Variants in ITGB8 observed in about 807,000 individuals in gnomAD.
ITGB8 encodes the protein integrin subunit beta 8, also known as integrin beta-8.
ITGB8 carries 30 observed loss-of-function variants against 89.5 expected under a neutral mutation model. The observed-to-expected ratio is 0.34, with a 90% confidence interval of 0.25 to 0.45. The LOEUF (loss-of-function observed/expected upper bound fraction) is 0.45, where lower values mean the gene tolerates loss of function less well. ITGB8 is among the 20% of genes least tolerant of loss of function. The pLI, the probability that ITGB8 is intolerant of heterozygous loss-of-function variation, is 1.00. For synonymous variants in ITGB8, 335 were observed against 320.4 expected, an observed-to-expected ratio of 1.05 and a Z score of -0.49; for missense variants, 836 against 933.3, an observed-to-expected ratio of 0.90 and a Z score of 1.36.
intron 9 of ITGB8, among the ~76,000 whole-genome samples, chr7:20,400,758 G>T (rs1787276404): frequency 6.6e-6 from 1 of 152,134 alleles, no homozygotes; most frequent in Non-Finnish European, 1.5e-5. Flanking sequence ...TTCTTCCATG[G>T]AGACAAATAG....
intron 7 of ITGB8, among the ~76,000 whole-genome samples, chr7:20,392,380 T>C (rs1349442242): frequency 6.6e-6 from 1 of 152,218 alleles, no homozygotes; most frequent in Non-Finnish European, 1.5e-5. Flanking sequence ...TACATTTTCT[T>C]GGCTTCAATA....
At chr7:20,351,096 T>C (rs1386456209) in intron 1 of ITGB8, among the ~76,000 whole-genome samples, 1 of 152,214 alleles carries the variant, frequency 6.6e-6, no homozygotes, top group Non-Finnish European at 1.5e-5. Context: ...TTCTTATCTT[T>C]AGAGTGGGAA....
At chr7:20,393,008 C>T (rs1786926026) in intron 7 of ITGB8, among the ~76,000 whole-genome samples, 1 of 152,142 alleles carries the variant, frequency 6.6e-6, no homozygotes, top group African/African-American at 2.4e-5. Context: ...ATCCTCTTAG[C>T]AACTCATAAA....
intron 9 of ITGB8, among the ~76,000 whole-genome samples, chr7:20,400,786 C>T (rs528228434): frequency 3.9e-5 from 6 of 152,250 alleles, no homozygotes; most frequent in Non-Finnish European, 7.4e-5. Flanking sequence ...GTGTTGAGGT[C>T]TTAAGATTTG....
intron 3 of ITGB8, among the ~76,000 whole-genome samples, chr7:20,376,818 G>C (rs1261898109): frequency 6.6e-6 from 1 of 152,182 alleles, no homozygotes; most frequent in Non-Finnish European, 1.5e-5. Flanking sequence ...TAAAAGGCCT[G>C]TGTATGGAAA....
intron 1 of ITGB8, among the ~76,000 whole-genome samples, chr7:20,337,409 G>A (rs1784612117): frequency 6.6e-6 from 1 of 152,068 alleles, no homozygotes; most frequent in African/African-American, 2.4e-5. Context: ...AGCACATACA[G>A]CTTTATGACA....
chr7:20,405,072 G>GC (rs1280643748), intron 11 of ITGB8, among the ~76,000 whole-genome samples: 1 of 152,004 alleles, frequency 6.6e-6, no homozygotes, highest in Non-Finnish European at 1.5e-5. Flanking sequence ...CACTACCTTA[G>GC]CTTTTTTTGA....
chr7:20,343,664 C>T (rs1287943083), intron 1 of ITGB8, among the ~76,000 whole-genome samples: 1 of 152,206 alleles, frequency 6.6e-6, no homozygotes, highest in Non-Finnish European at 1.5e-5. Flanking sequence ...TCTCCACTCC[C>T]AGATGATAAT....
intron 1 of ITGB8, among the ~76,000 whole-genome samples, chr7:20,335,704 G>A (rs1417005124): frequency 1.3e-5 from 2 of 152,186 alleles, no homozygotes; most frequent in Non-Finnish European, 2.9e-5. Flanking sequence ...ATTGTGAGCA[G>A]GCTTTCTTTA....
chr7:20,375,327 C>T (rs1465527475), intron 3 of ITGB8, among the ~76,000 whole-genome samples: 1 of 151,024 alleles, frequency 6.6e-6, no homozygotes, highest in Non-Finnish European at 1.5e-5. Context: ...GAAAAAAGAC[C>T]TAAAATTGGT....
At chr7:20,409,395 A>C (rs1421535945) in intron 12 of ITGB8, among the ~76,000 whole-genome samples, 1 of 152,240 alleles carries the variant, frequency 6.6e-6, no homozygotes, top group Non-Finnish European at 1.5e-5. Flanking sequence ...CTATTTCCCA[A>C]AGGAGGGTTT....
At position 20,380,650 on chromosome 7, in the gene ITGB8, T is replaced by C. The variant is rs1431241064; in HGVS notation, c.636-16T>C. ...AAGAGCAAAATAAACTTTACACTTC[T>C]TCTTTTCCCACACAGTGACTACAAT... On this transcript the variant is annotated splice_polypyrimidine_tract_variant and intron_variant, in intron 4 of 13. Transcript: ENST00000222573. 3 of 1,608,390 alleles carry C rather than the reference T, an allele frequency of 1.9e-6. No homozygotes were observed. The Admixed American group carries it at 5.0e-5, about 27-fold the overall frequency.
chr7:20,347,662 G>A (rs1053443427), intron 1 of ITGB8, among the ~76,000 whole-genome samples: 4 of 152,226 alleles, frequency 2.6e-5, no homozygotes, highest in Non-Finnish European at 5.9e-5. Context: ...TAATGTTTGA[G>A]ACTCGAAGAT....
intron 8 of ITGB8, among the ~76,000 whole-genome samples, chr7:20,395,528 A>G (rs1787037128): frequency 6.6e-6 from 1 of 152,236 alleles, no homozygotes; most frequent in Non-Finnish European, 1.5e-5. Flanking sequence ...TCTTGAGTTG[A>G]TGGTTGTATG....
chr7:20,374,937 G>C (rs1402922400), intron 3 of ITGB8, among the ~76,000 whole-genome samples: 1 of 152,120 alleles, frequency 6.6e-6, no homozygotes. Flanking sequence ...AGACGATAGA[G>C]GTAGACATAT....
At chr7:20,390,015 C>T (rs1786790199) in intron 6 of ITGB8, among the ~76,000 whole-genome samples, 1 of 152,064 alleles carries the variant, frequency 6.6e-6, no homozygotes, top group African/African-American at 2.4e-5. Context: ...TTATAGATGA[C>T]AGAGAAATAA....
At chr7:20,405,328 T>TATATATA (rs113047646) in intron 11 of ITGB8, among the ~76,000 whole-genome samples, 8 of 144,140 alleles carry the variant, frequency 5.6e-5, no homozygotes, top group African/African-American at 1.3e-4. Flanking sequence ...TATATATATA[T>TATATATA]TTTTTTTTTG....
At chr7:20,369,117 C>T (rs1246324414) in intron 3 of ITGB8, among the ~76,000 whole-genome samples, 2 of 152,148 alleles carry the variant, frequency 1.3e-5, no homozygotes, top group Non-Finnish European at 2.9e-5. Flanking sequence ...TTTCAGAATT[C>T]TCAATTCCTG....
rs1022386541 is a variant in ITGB8, at chr7:20,414,512, A to G, written c.*4515A>G. 1 of 152,622 alleles carries G rather than the reference A, an allele frequency of 6.6e-6. No individual in the cohort carries two copies. The highest frequency in any genetic ancestry group is 2.4e-5 in the African/African-American group (1 of 41,460). The allele number at this position is 152,622 out of a possible 1,614,324, so 9.5% of individuals were successfully genotyped here. On this transcript the variant is annotated 3_prime_UTR_variant, in exon 14 of 14. Transcript: ENST00000222573. ...AAACAAAATTAACTGGAAAAATATT[A>G]CATGGAACTGTCATAGTTAGGTTTT...
Sources: allele counts gnomAD v4.1 joint callset (sites outside exome capture counted in the v4.1 genomes callset), GRCh38; gene constraint gnomAD v4.1.1; transcripts MANE v1.5; gene names NCBI Gene and HGNC (gene_info 2026-07-23, HGNC 2026-07-21).